The following LRRC4C variants were observed in gnomAD, a reference collection of about 807,000 sequenced individuals.
The protein encoded by LRRC4C is leucine-rich repeat-containing protein 4C.
Under a neutral mutation model 33.6 loss-of-function variants are expected in LRRC4C, and 5 were observed. The observed-to-expected ratio is 0.15, with a 90% CI of 0.08 to 0.31. The LOEUF is 0.31. LRRC4C is among the 10% of genes least tolerant of loss of function. The pLI, the probability that LRRC4C is intolerant of heterozygous loss-of-function variation, is 1.00. For synonymous variants in LRRC4C, 329 were observed against 302.0 expected (o/e 1.09, Z -0.93); for missense variants, 560 against 796.7 (o/e 0.70, Z 3.58).
At chr11:40,799,547 T>G (rs145975330) in intron 2 of LRRC4C, among the ~76,000 whole-genome samples, 2,925 of 152,232 alleles carry the variant, frequency 0.019, 91 homozygotes, top group African/African-American at 0.067. Flanking sequence ...CAGGCTGGAG[T>G]GTAGTGATGC....
intron 3 of LRRC4C, among the ~76,000 whole-genome samples, chr11:40,568,995 C>G (rs1232906177): frequency 6.6e-6 from 1 of 152,150 alleles, no homozygotes; most frequent in Non-Finnish European, 1.5e-5. Flanking sequence ...TCTTCCACTC[C>G]ACGGAGGATG....
intron 3 of LRRC4C, among the ~76,000 whole-genome samples, chr11:40,584,915 G>C (rs1283351485): frequency 4.2e-5 from 6 of 141,922 alleles, no homozygotes; most frequent in Non-Finnish European, 6.1e-5. Context: ...TTGGGCAACA[G>C]AGAAAGACTC....
At chr11:40,908,339 G>GA (rs1302667580) in intron 2 of LRRC4C, among the ~76,000 whole-genome samples, 1 of 152,036 alleles carries the variant, frequency 6.6e-6, no homozygotes, top group African/African-American at 2.4e-5. Flanking sequence ...CTTCTTGAAT[G>GA]AAAAATCACT....
At chr11:41,393,421 C>T (rs1412960204) in intron 1 of LRRC4C, among the ~76,000 whole-genome samples, 1 of 151,562 alleles carries the variant, frequency 6.6e-6, no homozygotes, top group Non-Finnish European at 1.5e-5. Flanking sequence ...AGGTGGCTGA[C>T]TTTGAAAACT....
intron 1 of LRRC4C, among the ~76,000 whole-genome samples, chr11:41,085,384 CTCTCTT>C (rs1728982346): frequency 6.6e-6 from 1 of 152,116 alleles, no homozygotes; most frequent in South Asian, 2.1e-4. Context: ...ACAAGTATAT[CTCTCTT>C]AAAGTTGTAG....
chr11:40,522,993 T>C (rs568051643), intron 3 of LRRC4C, among the ~76,000 whole-genome samples: 1 of 152,342 alleles, frequency 6.6e-6, no homozygotes, highest in African/African-American at 2.4e-5. Flanking sequence ...CTATTGTGAA[T>C]GCTATGAACA....
chr11:40,980,246 G>A (rs569388009), intron 1 of LRRC4C, among the ~76,000 whole-genome samples: 4 of 152,286 alleles, frequency 2.6e-5, no homozygotes, highest in African/African-American at 7.2e-5. Flanking sequence ...GACTTTTAAT[G>A]GAACCACATA....
chr11:40,521,598 C>T lies in LRRC4C; in HGVS notation c.-270+126544G>A, dbSNP rs925846789. On this transcript the variant is annotated intron_variant, in intron 3 of 6. Transcript: ENST00000528697. Reference sequence around the variant, plus strand: ...CAGTATAAGAAAAATAGGCCAGGCGCGGTGGCTCATGCCTGTAATCCCAGC... The same window carrying T: ...CAGTATAAGAAAAATAGGCCAGGCGTGGTGGCTCATGCCTGTAATCCCAGC... Among the ~76,000 whole-genome samples, 9 of 152,166 alleles carry T rather than the reference C, an allele frequency of 5.9e-5. No homozygotes were observed. In the East Asian group the frequency reaches 1.7e-3, roughly 30 times the overall value.
At chr11:41,221,916 C>T (rs1479287459) in intron 1 of LRRC4C, among the ~76,000 whole-genome samples, 1 of 152,126 alleles carries the variant, frequency 6.6e-6, no homozygotes, top group Non-Finnish European at 1.5e-5. Flanking sequence ...TCTTCTAGGG[C>T]ACGCTACATC....
At chr11:40,838,210 TGA>T (rs199691983) in intron 2 of LRRC4C, among the ~76,000 whole-genome samples, 1 of 149,178 alleles carries the variant, frequency 6.7e-6, no homozygotes, top group Admixed American at 6.6e-5. Context: ...AAAATGTAAG[TGA>T]GAGAGAGAGG....
At chr11:40,491,425 T>C (rs976058469) in intron 3 of LRRC4C, among the ~76,000 whole-genome samples, 2 of 152,190 alleles carry the variant, frequency 1.3e-5, no homozygotes, top group Non-Finnish European at 2.9e-5. Context: ...CAACTTACCT[T>C]AGTCTGCTCA....
chr11:40,756,220 T>G (rs1948937154), intron 2 of LRRC4C, among the ~76,000 whole-genome samples: 1 of 152,058 alleles, frequency 6.6e-6, no homozygotes, highest in Non-Finnish European at 1.5e-5. Flanking sequence ...AAAATAAATT[T>G]TTGATTATTT....
chr11:40,593,846 A>G (rs1411570879), intron 3 of LRRC4C, among the ~76,000 whole-genome samples: 1 of 152,230 alleles, frequency 6.6e-6, no homozygotes, highest in Non-Finnish European at 1.5e-5. Context: ...AAAATCTTGC[A>G]ATATCCTTTA....
intron 4 of LRRC4C, among the ~76,000 whole-genome samples, chr11:40,278,732 T>A (rs1206235228): frequency 6.6e-6 from 1 of 152,156 alleles, no homozygotes; most frequent in African/African-American, 2.4e-5. Flanking sequence ...TGTAGCAAGT[T>A]ACATTATGAA....
At chr11:40,936,065 T>TATATATATATAAAA (rs1555008817) in intron 1 of LRRC4C, among the ~76,000 whole-genome samples, 1 of 75,822 alleles carries the variant, frequency 1.3e-5, no homozygotes, top group Non-Finnish European at 2.8e-5. Context: ...TATATATATA[T>TATATATATATAAAA]AACATAGTTT....
At position 40,277,926 on chromosome 11, in the gene LRRC4C, C is replaced by A. The variant is rs546639132; in HGVS notation, c.-175-36328G>T. Reference sequence around the variant, plus strand: ...TATATAAAATAACTCACTACTATTGCTACCATACAACTGGTACTCAAAAAA... The same window carrying A: ...TATATAAAATAACTCACTACTATTGATACCATACAACTGGTACTCAAAAAA... On this transcript the variant is annotated intron_variant, in intron 4 of 6. Coordinates refer to ENST00000528697, the MANE Select transcript of LRRC4C (RefSeq NM_001258419.2). Among the ~76,000 whole-genome samples, 119 of 152,218 alleles carry A rather than the reference C, an allele frequency of 7.8e-4. 1 individual carries two copies. Among genetic ancestry groups the A allele is most frequent in the African/African-American group, 2.5e-3 (104 of 41,538 alleles).
At chr11:40,814,507 T>C (rs1951627286) in intron 2 of LRRC4C, among the ~76,000 whole-genome samples, 1 of 152,120 alleles carries the variant, frequency 6.6e-6, no homozygotes, top group Non-Finnish European at 1.5e-5. Flanking sequence ...GTCTCTGACA[T>C]GCCCTGGAGA....
intron 1 of LRRC4C, among the ~76,000 whole-genome samples, chr11:41,274,582 TTGTAAAATGGACCAATCAGCACTC>T (rs1441285127): frequency 2.2e-4 from 34 of 152,016 alleles, no homozygotes; most frequent in Admixed American, 7.9e-4. Context: ...AGCTAGAGGT[TTGTAAAATGGACCAATCAGCACTC>T]TGTAAAATGG....
chr11:40,764,405 G>C (rs761640381), intron 2 of LRRC4C, among the ~76,000 whole-genome samples: 12 of 152,010 alleles, frequency 7.9e-5, no homozygotes, highest in Non-Finnish European at 4.4e-5. Context: ...AGAGTGGGAA[G>C]GACTTTGTCT....
Sources: allele counts gnomAD v4.1 joint callset (sites outside exome capture counted in the v4.1 genomes callset), GRCh38; gene constraint gnomAD v4.1.1; transcripts MANE v1.5; gene names NCBI Gene and HGNC (gene_info 2026-07-23, HGNC 2026-07-21).